SYTL2: variants seen among roughly 807,000 people sequenced by gnomAD.
SYTL2 encodes the protein synaptotagmin like 2.
In SYTL2, 165 loss-of-function variants were observed where a neutral mutation model predicts 198.7. The ratio of observed to expected loss-of-function variants is 0.83; its 90% CI spans 0.73 to 0.94. The LOEUF is 0.94. Ranked by LOEUF, SYTL2 falls within the 40% of genes least tolerant of loss-of-function variation. SYTL2 has a pLI of 0.00. For synonymous variants in SYTL2, 966 were observed against 917.7 expected (o/e 1.05, Z -0.95); for missense variants, 2,835 against 2,582.8 (o/e 1.10, Z -2.12).
rs764726291 is a variant in SYTL2 at position 85,725,139 on chromosome 11, C to T, written c.4219G>A (p.Val1407Ile). The stretch of plus-strand genomic sequence containing the variant: ...CCTGGAGGATTTAGGGGGCTACATA[C>T]TGGCTGTACTGCTTCAGGAAATTCT... ...NPEFPEAVQPVCSPLNPPGVI... is the reference protein window; with the variant it reads ...NPEFPEAVQPICSPLNPPGVI... Residue 1407 changes from valine to isoleucine, a missense_variant, in exon 8 of 20, where the codon GTA becomes ATA. Physicochemically the swap from Val to Ile is conservative, Grantham distance 29 (BLOSUM62 3). Around this residue, in one of 3 missense-constraint regions of SYTL2, gnomAD observed 2,645 missense variants for 2,381.7 expected, o/e 1.11. Coordinates refer to ENST00000359152, the MANE Select transcript of SYTL2 (RefSeq NM_206927.4). 7.4e-6 allele frequency: 12 copies of T among 1,613,888 alleles called. No individual in the cohort carries two copies. The East Asian group carries it at 2.0e-4, about 27-fold the overall frequency.
chr11:85,724,437 C>T lies in SYTL2; in HGVS notation c.4921G>A (p.Gly1641Arg), dbSNP rs1351654248. The T allele has an allele frequency of 3.7e-6, 6 of 1,610,864 alleles. No homozygotes were observed. The highest frequency in any genetic ancestry group is 2.7e-5 in the African/African-American group (2 of 74,754). Residue 1641 changes from glycine (G) to arginine (R), a missense_variant, in exon 8 of 20, where the codon GGA becomes AGA. This residue lies in a region of SYTL2 where 2,645 missense variants were observed against 2,381.7 expected (regional missense o/e 1.11). Transcript: ENST00000359152. ...AATAAATCAGTCACAAGTGCGTCTC[C>T]TCCCAACATTTTATCACATTGGTTG... ...QVNQCDKMLG[G>R]DALVTDLLVD...
chr11:85,839,463 G>T, the SYTL2 span, among the ~76,000 whole-genome samples: 1 of 152,154 alleles, frequency 6.6e-6, no homozygotes. Flanking sequence ...GGATTGAGGG[G>T]AGGTGGGGAT....
intron 13 of SYTL2, among the ~76,000 whole-genome samples, chr11:85,710,821 G>T (rs1373407905): frequency 6.6e-6 from 1 of 152,102 alleles, no homozygotes; most frequent in Non-Finnish European, 1.5e-5. Flanking sequence ...TACCCCATTT[G>T]TTGCACAGAA....
Position 85,734,417 on chromosome 11 carries a change from G to T in SYTL2, c.912C>A (p.Gly304=). The T allele has an allele frequency of 1.2e-6, 2 of 1,614,150 alleles. No homozygotes were observed. The highest frequency in any genetic ancestry group is 1.7e-6 in the Non-Finnish European group (2 of 1,179,992). Residue 304 remains glycine, a synonymous_variant, in exon 7 of 20, where the codon GGC becomes GGA. Transcript: ENST00000359152. The part of the protein sequence containing the change: ...FEPKSKIVSP[G]LTIHERISEK... ...CAGAAATTCTCTCATGGATGGTTAG[G>T]CCAGGTGACACAATTTTGCTTTTGG...
At chr11:85,751,098 T>C (rs688741) in intron 2 of SYTL2, among the ~76,000 whole-genome samples, 99,579 of 151,996 alleles carry the variant, frequency 0.66, 32,875 homozygotes, top group Middle Eastern at 0.71. Context: ...CAAAGGCTGA[T>C]AGCCATTATA....
chr11:85,829,214 T>G, the SYTL2 span, among the ~76,000 whole-genome samples: 1 of 152,160 alleles, frequency 6.6e-6, no homozygotes, highest in African/African-American at 2.4e-5. Context: ...TAGGTGGTTT[T>G]TAAGCCCATG....
At chr11:85,794,936 C>T (rs575636585) in intron 1 of SYTL2, among the ~76,000 whole-genome samples, 4 of 152,230 alleles carry the variant, frequency 2.6e-5, no homozygotes, top group African/African-American at 9.6e-5. Context: ...AAATGCCTAG[C>T]TTCCCATTCC....
chr11:85,779,284 G>A (rs1461724203), intron 1 of SYTL2, among the ~76,000 whole-genome samples: 1 of 152,062 alleles, frequency 6.6e-6, no homozygotes, highest in African/African-American at 2.4e-5. Flanking sequence ...TTCAGATGTG[G>A]TTGTTTATTG....
chr11:85,846,737 T>G, the SYTL2 span, among the ~76,000 whole-genome samples: 2 of 150,052 alleles, frequency 1.3e-5, no homozygotes, highest in East Asian at 3.9e-4. Flanking sequence ...TGAAACTATT[T>G]TTTTTTTTTT....
Position 85,734,093 on chromosome 11 carries a change from A to T in SYTL2, c.1236T>A (p.Thr412=). The change falls in exon 7 of 20, where the codon ACT becomes ACA. Residue 412 remains threonine (T), a synonymous_variant. Coordinates refer to ENST00000359152, the MANE Select transcript of SYTL2 (RefSeq NM_206927.4). ...VSKSETHQPM[T]SGSFPINGLH... ...GCCCATTAATTGGAAAAGAACCAGA[A>T]GTCATTGGCTGATGTGTTTCACTTT... 6.2e-7 allele frequency: 1 copy of T among 1,614,224 alleles called. No homozygotes were observed. The highest frequency in any genetic ancestry group is 8.5e-7 in the Non-Finnish European group (1 of 1,180,032).
At chr11:85,750,567 G>A (rs531747975) in intron 2 of SYTL2, among the ~76,000 whole-genome samples, 8 of 152,206 alleles carry the variant, frequency 5.3e-5, no homozygotes, top group African/African-American at 1.2e-4. Context: ...ACTAACCTGT[G>A]GTCTTTGCAA....
the SYTL2 span, among the ~76,000 whole-genome samples, chr11:85,835,136 G>A: frequency 2.2e-4 from 34 of 152,156 alleles, no homozygotes; most frequent in African/African-American, 6.3e-4. Context: ...ATAAGTTGAG[G>A]AATATCTGTA....
At chr11:85,782,352 C>A (rs1028818491) in intron 1 of SYTL2, among the ~76,000 whole-genome samples, 6 of 152,136 alleles carry the variant, frequency 3.9e-5, no homozygotes, top group African/African-American at 1.4e-4. Flanking sequence ...GGCCCTGGAC[C>A]CAGCCCAGGA....
At chr11:85,833,286 G>T in the SYTL2 span, among the ~76,000 whole-genome samples, 1 of 147,120 alleles carries the variant, frequency 6.8e-6, no homozygotes, top group African/African-American at 2.5e-5. Flanking sequence ...AGGTATTTGG[G>T]TACATCATTA....
the SYTL2 span, among the ~76,000 whole-genome samples, chr11:85,848,378 C>T: frequency 1.3e-5 from 2 of 151,680 alleles, no homozygotes; most frequent in African/African-American, 4.8e-5. Context: ...CTATATAACA[C>T]TTGGCTGATG....
chr11:85,791,654 G>A (rs1277726342), intron 1 of SYTL2, among the ~76,000 whole-genome samples: 1 of 150,824 alleles, frequency 6.6e-6, no homozygotes, highest in Non-Finnish European at 1.5e-5. Context: ...GCAAACAGTT[G>A]TTTTCCAATG....
At chr11:85,768,494 T>C (rs2092291127) in intron 1 of SYTL2, among the ~76,000 whole-genome samples, 1 of 152,200 alleles carries the variant, frequency 6.6e-6, no homozygotes, top group South Asian at 2.1e-4. Context: ...ATGCTGTAAG[T>C]AAAATGGCCT....
chr11:85,763,077 A>T (rs1318365170), intron 1 of SYTL2, among the ~76,000 whole-genome samples: 1 of 152,218 alleles, frequency 6.6e-6, no homozygotes, highest in African/African-American at 2.4e-5. Context: ...CCAGCTCCAG[A>T]TCTTTCACAT....
At position 85,726,251 on chromosome 11, in the gene SYTL2, G is replaced by T. The variant is rs1206314917; in HGVS notation, c.3107C>A (p.Ala1036Glu). 6.2e-7 allele frequency: 1 copy of T among 1,613,546 alleles called. No homozygotes were observed. Among genetic ancestry groups the T allele is most frequent in the Non-Finnish European group, 8.5e-7 (1 of 1,179,922 alleles). The change falls in exon 8 of 20, where the codon GCA becomes GAA. Residue 1036 changes from alanine to glutamate, a missense_variant. This residue lies in a region of SYTL2 where 2,645 missense variants were observed against 2,381.7 expected (regional missense o/e 1.11). Transcript: ENST00000359152. ...TTTTTTTGGGCTTAGAAGCACCTCT[G>T]CTTCATGGGTATTTTTACCTGATAA... ...IKLSGKNTHEAEVLLSPKKVM... is the reference protein window; with the variant it reads ...IKLSGKNTHEEEVLLSPKKVM...
Sources: allele counts gnomAD v4.1 joint callset (sites outside exome capture counted in the v4.1 genomes callset), GRCh38; gene constraint gnomAD v4.1.1; regional missense constraint gnomAD v4.1.1; transcripts MANE v1.5; gene names NCBI Gene and HGNC (gene_info 2026-07-23, HGNC 2026-07-21).